Variants in FNIP1 observed in about 807,000 individuals in gnomAD.
The protein encoded by FNIP1 is folliculin interacting protein 1.
A neutral mutation model predicts 124.5 loss-of-function variants in FNIP1; 40 were observed. That is an observed-to-expected ratio of 0.32 (90% CI 0.25 to 0.42). The LOEUF (loss-of-function observed/expected upper bound fraction) is 0.42, where lower values mean the gene tolerates loss of function less well. Among genes scored for constraint, FNIP1 ranks in the 10% least tolerant of loss-of-function variants. FNIP1 has a pLI of 1.00. For synonymous variants in FNIP1, 472 were observed against 470.6 expected, an observed-to-expected ratio of 1.00 and a Z score of -0.04; for missense variants, 1,176 against 1,403.7, an observed-to-expected ratio of 0.84 and a Z score of 2.59.
At chr5:131,726,053 C>T (rs1275237459) in intron 3 of FNIP1, among the ~76,000 whole-genome samples, 1 of 152,150 alleles carries the variant, frequency 6.6e-6, no homozygotes, top group African/African-American at 2.4e-5. Context: ...GCGACTTGAT[C>T]GTGGTGGATA....
At chr5:131,684,601 T>G (rs960857510) in intron 11 of FNIP1, among the ~76,000 whole-genome samples, 1 of 152,222 alleles carries the variant, frequency 6.6e-6, no homozygotes, top group Non-Finnish European at 1.5e-5. Flanking sequence ...ATCTTGAAAT[T>G]CTAAGTCTAG....
At chr5:131,727,967 T>C (rs899269395) in intron 3 of FNIP1, among the ~76,000 whole-genome samples, 2 of 152,226 alleles carry the variant, frequency 1.3e-5, no homozygotes, top group Non-Finnish European at 2.9e-5. Context: ...AAATTCTGAG[T>C]TGAAAATTCT....
intron 1 of FNIP1, among the ~76,000 whole-genome samples, chr5:131,775,906 T>C (rs1260926117): frequency 1.3e-5 from 2 of 152,160 alleles, no homozygotes; most frequent in Non-Finnish European, 2.9e-5. Flanking sequence ...AAGCTACAAA[T>C]AAATATTTTG....
chr5:131,657,736 C>CAA (rs59097834), intron 15 of FNIP1, among the ~76,000 whole-genome samples: 31,450 of 64,924 alleles, frequency 0.48, 9,772 homozygotes, highest in Non-Finnish European at 0.58. Flanking sequence ...GAAAATAAGG[C>CAA]AAAAAAAAAA....
At chr5:131,674,097 GAACTTT>G (rs1300375538) in intron 13 of FNIP1, among the ~76,000 whole-genome samples, 8 of 151,876 alleles carry the variant, frequency 5.3e-5, no homozygotes, top group African/African-American at 9.7e-5. Context: ...TCATATCTCT[GAACTTT>G]AACTGTTGTT....
chr5:131,680,467 C>T (rs1371870295), intron 11 of FNIP1, among the ~76,000 whole-genome samples: 2 of 152,094 alleles, frequency 1.3e-5, no homozygotes, highest in African/African-American at 4.8e-5. Flanking sequence ...AGAATACAAA[C>T]TAGGCATATA....
Position 131,671,503 on chromosome 5 carries a change from A to G in FNIP1, c.2939+2T>C, listed in dbSNP as rs1263076365. 1 of 1,601,954 alleles carries G rather than the reference A, an allele frequency of 6.2e-7. No homozygotes were observed. On this transcript the variant is annotated splice_donor_variant, in intron 14 of 17. Transcript: ENST00000510461. LOFTEE classifies it high-confidence loss of function. ...CATTATAGGTGAAAACTTCCTACTT[A>G]CCCAGGAAAAGGTATCTCATCCTCT...
At chr5:131,763,288 TACACACACACACACACACACACACACAC>T (rs34544569) in intron 1 of FNIP1, among the ~76,000 whole-genome samples, 6 of 148,464 alleles carry the variant, frequency 4.0e-5, no homozygotes, top group Non-Finnish European at 7.4e-5. Flanking sequence ...CAAATGCAAA[TACACACACACACACACACACACACACAC>T]ACACACACAC....
intron 1 of FNIP1, among the ~76,000 whole-genome samples, chr5:131,765,433 T>C (rs1771387397): frequency 6.6e-6 from 1 of 152,206 alleles, no homozygotes; most frequent in African/African-American, 2.4e-5. Flanking sequence ...TGATGGAAAA[T>C]CACCTCTTTA....
chr5:131,720,852 A>G (rs1319499826), intron 3 of FNIP1, among the ~76,000 whole-genome samples: 3 of 152,224 alleles, frequency 2.0e-5, no homozygotes, highest in African/African-American at 7.2e-5. Context: ...AGGATGTGGG[A>G]AAACTGGAGC....
chr5:131,749,077 T>A (rs1275617625), intron 1 of FNIP1, among the ~76,000 whole-genome samples: 1 of 152,202 alleles, frequency 6.6e-6, no homozygotes, highest in African/African-American at 2.4e-5. Context: ...TTTGTACAGC[T>A]GTACAATGTT....
At chr5:131,647,240 A>G in intron 16 of FNIP1, 35 bp from the exon 17 acceptor site, 1 of 1,541,400 alleles carries the variant, frequency 6.5e-7, no homozygotes, top group Non-Finnish European at 9.0e-7. Flanking sequence ...CCAGGTCAGA[A>G]AACAGTTTGC....
chr5:131,785,048 AC>A (rs1345404046), intron 1 of FNIP1, among the ~76,000 whole-genome samples: 4 of 36,100 alleles, frequency 1.1e-4, no homozygotes, highest in Admixed American at 1.1e-3. Context: ...GATATATATG[AC>A]TATATATATC....
chr5:131,755,315 G>T (rs1771012414), intron 1 of FNIP1, among the ~76,000 whole-genome samples: 1 of 151,954 alleles, frequency 6.6e-6, no homozygotes, highest in Admixed American at 6.6e-5. Flanking sequence ...TGGCTGCTTG[G>T]GAGGCTGGGA....
intron 3 of FNIP1, among the ~76,000 whole-genome samples, chr5:131,730,307 TAA>T (rs1770037805): frequency 6.6e-6 from 1 of 152,190 alleles, no homozygotes; most frequent in African/African-American, 2.4e-5. Context: ...TACCAGTAAT[TAA>T]AAAGTCAAGA....
intron 11 of FNIP1, among the ~76,000 whole-genome samples, chr5:131,688,278 G>A (rs2149523414): frequency 1.4e-5 from 2 of 146,432 alleles, no homozygotes; most frequent in Admixed American, 6.7e-5. Flanking sequence ...CAAAGAAAGA[G>A]GAGTTTAAAA....
At chr5:131,707,517 A>T (rs143787965) in intron 8 of FNIP1, among the ~76,000 whole-genome samples, 2 of 152,332 alleles carry the variant, frequency 1.3e-5, no homozygotes, top group Non-Finnish European at 2.9e-5. Context: ...GACAAATTCA[A>T]TGATAGAGGA....
At chr5:131,756,159 G>C (rs1771045104) in intron 1 of FNIP1, among the ~76,000 whole-genome samples, 1 of 152,172 alleles carries the variant, frequency 6.6e-6, no homozygotes, top group South Asian at 2.1e-4. Flanking sequence ...CAGTTTCAGT[G>C]GAGGCAGTGG....
At chr5:131,767,000 A>G (rs561675049) in intron 1 of FNIP1, among the ~76,000 whole-genome samples, 1 of 152,216 alleles carries the variant, frequency 6.6e-6, no homozygotes, top group South Asian at 2.1e-4. Flanking sequence ...CTTCACAGAC[A>G]CACTCAGAAA....
Sources: gnomAD v4.1 joint callset for allele counts (sites outside exome capture counted in the v4.1 genomes callset) on GRCh38, gnomAD v4.1.1 for gene constraint, MANE v1.5 for transcripts, NCBI Gene and HGNC (gene_info 2026-07-23, HGNC 2026-07-21) for gene names.